The following TBC1D12 variants were observed in gnomAD, a reference collection of about 807,000 sequenced individuals.
TBC1D12 encodes the protein TBC1 domain family, member 12.
A neutral mutation model predicts 86.7 loss-of-function variants in TBC1D12; 56 were observed. The observed-to-expected ratio is 0.65, with a 90% CI of 0.52 to 0.81. The LOEUF (loss-of-function observed/expected upper bound fraction) is 0.81. Ranked by LOEUF, TBC1D12 falls within the 30% of genes least tolerant of loss-of-function variation. The pLI, the probability that TBC1D12 is intolerant of heterozygous loss-of-function variation, is 0.00. For synonymous variants in TBC1D12, 421 were observed against 411.7 expected (o/e 1.02, Z -0.27); for missense variants, 1,023 against 1,038.8 (o/e 0.98, Z 0.21).
intron 9 of TBC1D12, among the ~76,000 whole-genome samples, chr10:94,513,786 C>T (rs1197684659): frequency 6.6e-6 from 1 of 152,072 alleles, no homozygotes; most frequent in African/African-American, 2.4e-5. Flanking sequence ...TCTTGAACTC[C>T]TGGCTCAAGT....
intron 9 of TBC1D12, among the ~76,000 whole-genome samples, chr10:94,518,206 T>C (rs1348581277): frequency 6.6e-6 from 1 of 151,996 alleles, no homozygotes; most frequent in Non-Finnish European, 1.5e-5. Flanking sequence ...TGCATTCTTT[T>C]TTTTCTTTTC....
At chr10:94,514,091 T>C (rs1430365278) in intron 9 of TBC1D12, among the ~76,000 whole-genome samples, 1 of 149,838 alleles carries the variant, frequency 6.7e-6, no homozygotes, top group Non-Finnish European at 1.5e-5. Flanking sequence ...CTCATGCCTG[T>C]AATCCCAGGC....
chr10:94,430,828 T>C (rs910164370), intron 1 of TBC1D12, among the ~76,000 whole-genome samples: 3 of 152,242 alleles, frequency 2.0e-5, no homozygotes, highest in African/African-American at 7.2e-5. Flanking sequence ...TTTTCAACTA[T>C]ATGTTTTCAA....
At chr10:94,515,857 A>G (rs1159071519) in intron 9 of TBC1D12, among the ~76,000 whole-genome samples, 1 of 152,236 alleles carries the variant, frequency 6.6e-6, no homozygotes, top group African/African-American at 2.4e-5. Flanking sequence ...CAAGCTCTAC[A>G]ATACCACAAC....
chr10:94,466,498 A>G (rs1418537061), intron 2 of TBC1D12, among the ~76,000 whole-genome samples: 1 of 152,084 alleles, frequency 6.6e-6, no homozygotes, highest in Admixed American at 6.6e-5. Flanking sequence ...TTCTTACTGA[A>G]AGGCTGGATT....
intron 1 of TBC1D12, among the ~76,000 whole-genome samples, 165 bp from the exon 2 acceptor site, chr10:94,441,731 T>G (rs569423504): frequency 3.3e-5 from 5 of 152,322 alleles, no homozygotes; most frequent in Admixed American, 2.6e-4. Context: ...CTACATATTC[T>G]TAATTGAGCC....
chr10:94,435,216 G>A (rs2055277721), intron 1 of TBC1D12, among the ~76,000 whole-genome samples: 2 of 152,104 alleles, frequency 1.3e-5, no homozygotes, highest in African/African-American at 2.4e-5. Flanking sequence ...CTTAGGATTC[G>A]TGGCTAGAAG....
chr10:94,505,819 A>T (rs935557497), intron 6 of TBC1D12, among the ~76,000 whole-genome samples: 1 of 152,184 alleles, frequency 6.6e-6, no homozygotes, highest in Non-Finnish European at 1.5e-5. Context: ...AAGCAAATCT[A>T]TATCTACTAA....
chr10:94,459,750 C>T (rs1416198209), intron 2 of TBC1D12, among the ~76,000 whole-genome samples: 1 of 152,184 alleles, frequency 6.6e-6, no homozygotes, highest in Non-Finnish European at 1.5e-5. Flanking sequence ...GGTGCTAAGC[C>T]CCTCACTGCC....
intron 6 of TBC1D12, among the ~76,000 whole-genome samples, chr10:94,504,728 G>A (rs896096470): frequency 3.9e-5 from 6 of 152,164 alleles, no homozygotes; most frequent in African/African-American, 1.4e-4. Context: ...TAAAATAGGG[G>A]TAAGAATATG....
chr10:94,436,389 C>T (rs1328693438), intron 1 of TBC1D12, among the ~76,000 whole-genome samples: 1 of 152,042 alleles, frequency 6.6e-6, no homozygotes, highest in East Asian at 1.9e-4. Flanking sequence ...CTGCCTCAGC[C>T]TCCCAAAGTG....
At chr10:94,488,302 C>A (rs369218201) in intron 3 of TBC1D12, among the ~76,000 whole-genome samples, 1 of 149,950 alleles carries the variant, frequency 6.7e-6, no homozygotes, top group Non-Finnish European at 1.5e-5. Context: ...GCAGGAGAAT[C>A]GCTTCAACAT....
chr10:94,447,564 A>G (rs2055487607), intron 2 of TBC1D12: 1 of 961,360 alleles, frequency 1.0e-6, no homozygotes, highest in South Asian at 4.8e-5. Context: ...TTAACTTGAT[A>G]ATCAATTCCA....
intron 1 of TBC1D12, among the ~76,000 whole-genome samples, chr10:94,405,650 G>A (rs1328100097): frequency 6.6e-6 from 1 of 152,076 alleles, no homozygotes; most frequent in Non-Finnish European, 1.5e-5. Context: ...AGGGGCTTTG[G>A]AGATAACAAA....
chr10:94,432,690 A>G (rs1462166825), intron 1 of TBC1D12, among the ~76,000 whole-genome samples: 6 of 151,896 alleles, frequency 4.0e-5, no homozygotes, highest in African/African-American at 1.5e-4. Flanking sequence ...TTGTTTTTTT[A>G]TGATTTAACA....
intron 11 of TBC1D12, among the ~76,000 whole-genome samples, chr10:94,528,914 C>T (rs769981438): frequency 8.6e-5 from 13 of 151,774 alleles, no homozygotes; most frequent in Non-Finnish European, 1.3e-4. Context: ...AATTCACAAC[C>T]AGTGGGTTTC....
intron 11 of TBC1D12, among the ~76,000 whole-genome samples, chr10:94,527,144 G>A (rs909750564): frequency 6.7e-6 from 1 of 150,186 alleles, no homozygotes; most frequent in Non-Finnish European, 1.5e-5. Flanking sequence ...CCAGGCTGGA[G>A]TGCAGTGGCG....
intron 1 of TBC1D12, among the ~76,000 whole-genome samples, chr10:94,434,088 C>T (rs2055258395): frequency 6.6e-6 from 1 of 152,148 alleles, no homozygotes; most frequent in African/African-American, 2.4e-5. Flanking sequence ...AAGAAGGGTA[C>T]TTGAAGTCTG....
At chr10:94,480,876 CAAAA>C (rs141683357) in intron 3 of TBC1D12, among the ~76,000 whole-genome samples, 1 of 126,636 alleles carries the variant, frequency 7.9e-6, no homozygotes. Context: ...GACCTTGTCT[CAAAA>C]AAAAAAAAAG....
Sources: gnomAD v4.1 joint callset for allele counts (sites outside exome capture counted in the v4.1 genomes callset) on GRCh38, gnomAD v4.1.1 for gene constraint, MANE v1.5 for transcripts, NCBI Gene and HGNC (gene_info 2026-07-23, HGNC 2026-07-21) for gene names.